Variants in DSP observed in about 807,000 individuals in gnomAD.
DSP encodes the protein 250/210 kDa paraneoplastic pemphigus antigen.
DSP carries 114 observed loss-of-function variants against 290.6 expected under a neutral mutation model. That is an observed-to-expected ratio of 0.39 (90% CI 0.34 to 0.46). The LOEUF (loss-of-function observed/expected upper bound fraction) is 0.46, where lower values mean the gene tolerates loss of function less well. Among genes scored for constraint, DSP ranks in the 20% least tolerant of loss-of-function variants. DSP has a pLI of 0.99. For synonymous variants in DSP, 1,311 were observed against 1,316.4 expected (o/e 1.00, Z 0.09); for missense variants, 3,230 against 3,495.8 (o/e 0.92, Z 1.92).
rs1483454488 is a variant in DSP at position 7,582,138 on chromosome 6, T to C, written c.5380-504T>C. 3.8e-5 allele frequency among the ~76,000 whole-genome samples: 3 copies of C among 79,624 alleles called. No homozygotes were observed. The highest frequency in any genetic ancestry group is 1.7e-4 in the African/African-American group (3 of 17,148). 52.2% of individuals were successfully genotyped at this position (79,624 alleles called of 152,430 possible). ...AGACAATATTTGTGTGTGGCTGGGT[T>C]GGTGTGTGTGTGTGTGTGTGTGTGT... On this transcript the variant is annotated intron_variant, in intron 23 of 23. Transcript: ENST00000379802. The surrounding 1 kb of genome is among the most constrained non-coding windows in gnomAD (Gnocchi z 4.2).
rs762341335 is a variant in DSP, at chr6:7,576,329, G to A, written c.2666G>A (p.Arg889Lys). The A allele has an allele frequency of 4.6e-5, 75 of 1,613,952 alleles. No homozygotes were observed. The South Asian group carries it at 6.1e-4, about 13-fold the overall frequency. ...WDLEKQIKQLRNYRDNYQAFC... is the reference protein window; with the variant it reads ...WDLEKQIKQLKNYRDNYQAFC... ...CTGGAGAAACAAATCAAGCAATTGAGGAATTATCGTGATAACTATCAGGCT... is the reference window on the plus strand; with the variant it reads ...CTGGAGAAACAAATCAAGCAATTGAAGAATTATCGTGATAACTATCAGGCT... The change falls in exon 19 of 24, where the codon AGG becomes AAG. Residue 889 changes from arginine (R) to lysine (K), a missense_variant. Around this residue, in one of 5 missense-constraint regions of DSP, gnomAD observed 1,714 missense variants for 1,844.5 expected, o/e 0.93. Coordinates refer to ENST00000379802, the MANE Select transcript of DSP (RefSeq NM_004415.4).
At chr6:7,566,990 C>T (rs1323217216) in intron 8 of DSP, among the ~76,000 whole-genome samples, 1 of 152,072 alleles carries the variant, frequency 6.6e-6, no homozygotes, top group Non-Finnish European at 1.5e-5. Flanking sequence ...TTGGATGCCT[C>T]GAACCTCCCC....
intron 14 of DSP, 70 bp from the exon 15 acceptor site, chr6:7,571,772 G>T (rs745882134): frequency 3.3e-5 from 51 of 1,554,862 alleles, no homozygotes; most frequent in Non-Finnish European, 4.5e-5. Flanking sequence ...TAGTATGGAT[G>T]TTTTTTGAGG....
Position 7,577,788 on chromosome 6 carries a change from C to T in DSP, c.2887C>T (p.Leu963Phe), listed in dbSNP as rs779931043. The change falls in exon 21 of 24, where the codon CTC becomes TTC. Residue 963 changes from leucine (L) to phenylalanine (F), a missense_variant. Coordinates refer to ENST00000379802, the MANE Select transcript of DSP (RefSeq NM_004415.4). ...LCANSIKDYE[L>F]QLASYTSGLE... ...CTTCATTATGCTGCAGGATTATGAG[C>T]TCCAGCTGGCCTCATACACCTCAGG... The T allele has an allele frequency of 6.2e-6, 10 of 1,613,542 alleles. No homozygotes were observed. Among genetic ancestry groups the T allele is most frequent in the Non-Finnish European group, 8.5e-6 (10 of 1,179,500 alleles).
intron 15 of DSP, 115 bp from the exon 16 acceptor site, chr6:7,573,971 A>G: frequency 3.6e-6 from 4 of 1,113,690 alleles, no homozygotes; most frequent in Admixed American, 1.9e-5. Context: ...TACTTACCTG[A>G]TGTAATCATT....
rs772539916 is a variant in DSP, at chr6:7,574,210, A to T, written c.2255A>T (p.Lys752Ile). The change falls in exon 16 of 24, where the codon AAA becomes ATA. Residue 752 changes from lysine to isoleucine, a missense_variant. Physicochemically the swap from Lys to Ile is moderately radical, Grantham distance 102. Around this residue, in one of 5 missense-constraint regions of DSP, gnomAD observed 1,714 missense variants for 1,844.5 expected, o/e 0.93. Transcript: ENST00000379802. ...LQNEVFGLFQKLENINGVTDG... is the reference protein window; with the variant it reads ...LQNEVFGLFQILENINGVTDG... ...AATGAAGTATTTGGACTATTTCAGA[A>T]ACTGGAAAATATCAATGGTGTTACA... 1 of 1,614,104 alleles carries T rather than the reference A, an allele frequency of 6.2e-7. No individual in the cohort carries two copies. Among genetic ancestry groups the T allele is most frequent in the Non-Finnish European group, 8.5e-7 (1 of 1,179,980 alleles).
At position 7,585,706 on chromosome 6, in the gene DSP, G is replaced by T; in HGVS notation, c.8444G>T (p.Ser2815Ile). 6.2e-7 allele frequency: 1 copy of T among 1,613,850 alleles called. No individual in the cohort carries two copies. Among genetic ancestry groups the T allele is most frequent in the African/African-American group, 1.3e-5 (1 of 75,018 alleles). ...TCCGTGTCGTCCAAGGGCTTACCCA[G>T]CCCTTACAACATGTCTTCGGCTCCG... ...AASVSSKGLP[S>I]PYNMSSAPGS... Residue 2815 changes from serine to isoleucine, a missense_variant, in exon 24 of 24, where the codon AGC (serine) becomes ATC (isoleucine). Physicochemically the swap from Ser to Ile is moderately radical, Grantham distance 142 (BLOSUM62 -2). Coordinates refer to ENST00000379802, the MANE Select transcript of DSP (RefSeq NM_004415.4).
At chr6:7,545,947 T>G (rs1758159250) in intron 1 of DSP, among the ~76,000 whole-genome samples, 1 of 152,182 alleles carries the variant, frequency 6.6e-6, no homozygotes, top group Non-Finnish European at 1.5e-5. Flanking sequence ...GCATCCTTTT[T>G]TGACCAAGGC....
At position 7,582,674 on chromosome 6, in the gene DSP, G is replaced by T. The variant is rs779809935; in HGVS notation, c.5412G>T (p.Gln1804His). ...ASNRIQESKN[Q>H]CTQVVQERES... ...ATAGGATTCAGGAATCAAAGAATCA[G>T]TGTACTCAGGTGGTACAGGAAAGAG... The change falls in exon 24 of 24, where the codon CAG (glutamine) becomes CAT (histidine). Residue 1804 changes from glutamine to histidine, a missense_variant. By Grantham distance (24) the Gln-to-His change is conservative. This residue lies in a region of DSP where 1,714 missense variants were observed against 1,844.5 expected (regional missense o/e 0.93). Transcript: ENST00000379802. This position sits in a 1 kb window ranked among gnomAD's most constrained non-coding sequence, Gnocchi z 4.2. 9.9e-6 allele frequency: 16 copies of T among 1,613,558 alleles called. No homozygotes were observed. In the Admixed American group the frequency reaches 2.7e-4, roughly 27 times the overall value.
intron 4 of DSP, among the ~76,000 whole-genome samples, chr6:7,561,617 T>C (rs1224880030): frequency 6.6e-6 from 1 of 152,180 alleles, no homozygotes; most frequent in Non-Finnish European, 1.5e-5. Context: ...GTCACGTTGC[T>C]AATGTCCCAC....
chr6:7,542,428 G>A (rs1758024228), intron 1 of DSP, among the ~76,000 whole-genome samples: 1 of 152,194 alleles, frequency 6.6e-6, no homozygotes, highest in Non-Finnish European at 1.5e-5. Flanking sequence ...GGGAGGTCAG[G>A]CGAGGTGGGG....
intron 4 of DSP, among the ~76,000 whole-genome samples, chr6:7,561,290 G>A (rs764490228): frequency 2.0e-5 from 3 of 152,134 alleles, no homozygotes; most frequent in Non-Finnish European, 2.9e-5. Context: ...ATTGATAAGC[G>A]ATGCTTTCCG....
rs370865499 is a variant in DSP at position 7,583,594 on chromosome 6, T to C, written c.6332T>C (p.Ile2111Thr). The change falls in exon 24 of 24, where the codon ATC becomes ACC. Residue 2111 changes from isoleucine to threonine, a missense_variant. Transcript: ENST00000379802. This position sits in a 1 kb window ranked among gnomAD's most constrained non-coding sequence, Gnocchi z 4.0. ...AAGACAGTATCTGTTTCAGAAGCCA[T>C]CAAGAAAAATTTGATTGATAGAGAA... ...SGKTVSVSEA[I>T]KKNLIDRETG... 4.9e-5 allele frequency: 79 copies of C among 1,614,006 alleles called. No homozygotes were observed. Among genetic ancestry groups the C allele is most frequent in the Non-Finnish European group, 6.5e-5 (77 of 1,180,032 alleles).
Position 7,584,010 on chromosome 6 carries a change from A to C in DSP, c.6748A>C (p.Ile2250Leu). 6.2e-7 allele frequency: 1 copy of C among 1,614,210 alleles called. No individual in the cohort carries two copies. Among genetic ancestry groups the C allele is most frequent in the Non-Finnish European group, 8.5e-7 (1 of 1,180,036 alleles). ...TTCTTATGACGAGGTTGGTGAGAGA[A>C]TTAAGGACTTCCTCCAGGGTTCAAG... Reference protein sequence around the residue: ...QISYDEVGERIKDFLQGSSCI... With the variant: ...QISYDEVGERLKDFLQGSSCI... Residue 2250 changes from isoleucine (I) to leucine (L), a missense_variant, in exon 24 of 24, where the codon ATT becomes CTT. Coordinates refer to ENST00000379802, the MANE Select transcript of DSP (RefSeq NM_004415.4). The surrounding 1 kb of genome is among the most constrained non-coding windows in gnomAD (Gnocchi z 6.4).
At position 7,569,261 on chromosome 6, in the gene DSP, G is replaced by T. The variant is rs1758964565; in HGVS notation, c.1495G>T (p.Gly499Ter). ...ERSKWYVTGP[G>*]GVDMLVPSVG... ...CAGCAAGTGGTACGTGACGGGCCCG[G>T]GAGGCGTTGACATGCTTGTTCCCTC... Residue 499 changes from glycine to a stop codon, truncating the protein, a stop_gained, in exon 12 of 24, where the codon GGA becomes TGA. Coordinates refer to ENST00000379802, the MANE Select transcript of DSP (RefSeq NM_004415.4). LOFTEE classifies it high-confidence loss of function. 6.2e-7 allele frequency: 1 copy of T among 1,614,048 alleles called. No homozygotes were observed. Among genetic ancestry groups the T allele is most frequent in the Non-Finnish European group, 8.5e-7 (1 of 1,180,044 alleles).
intron 16 of DSP, 118 bp from the exon 17 acceptor site, chr6:7,574,539 C>A: frequency 6.8e-7 from 1 of 1,470,386 alleles, no homozygotes; most frequent in Non-Finnish European, 9.4e-7. Flanking sequence ...AAAAAACAGA[C>A]AAAATAAATT....
At chr6:7,566,161 G>C (rs1758857214) in intron 7 of DSP, among the ~76,000 whole-genome samples, 1 of 152,116 alleles carries the variant, frequency 6.6e-6, no homozygotes, top group Non-Finnish European at 1.5e-5. Flanking sequence ...CTTTCCTCCT[G>C]TGTCATCTTG....
At position 7,585,857 on chromosome 6, in the gene DSP, C is replaced by G. The variant is rs1369725322; in HGVS notation, c.8595C>G (p.Ser2865Arg). The change falls in exon 24 of 24, where the codon AGC (serine) becomes AGG (arginine). Residue 2865 changes from serine to arginine, a missense_variant. By Grantham distance (110) the Ser-to-Arg change is moderately radical (BLOSUM62 -1). Coordinates refer to ENST00000379802, the MANE Select transcript of DSP (RefSeq NM_004415.4). ...NSSYSYSYSFSSSSIGH is the reference protein window; with the variant it reads ...NSSYSYSYSFRSSSIGH ...CCTACTCTTATTCCTACTCATTTAGCAGTAGTTCTATTGGGCACTAGTAGT... is the reference window on the plus strand; with the variant it reads ...CCTACTCTTATTCCTACTCATTTAGGAGTAGTTCTATTGGGCACTAGTAGT... The G allele has an allele frequency of 6.2e-7, 1 of 1,614,038 alleles. No individual in the cohort carries two copies. The highest frequency in any genetic ancestry group is 1.1e-5 in the South Asian group (1 of 91,058).
chr6:7,574,619 T>C lies in DSP; in HGVS notation c.2298-38T>C, dbSNP rs2295859. ...GGCAAATCTTCACAGACTAATTATG[T>C]CACTGGCAATTTTATGTGCTTCTTT... On this transcript the variant is annotated intron_variant, in intron 16 of 23. Transcript: ENST00000379802. The C allele has an allele frequency of 0.054, 87,359 of 1,613,640 alleles. 2,581 individuals carry two copies. The highest frequency in any genetic ancestry group is 0.08 in the Middle Eastern group (484 of 6,052).
Sources: allele counts gnomAD v4.1 joint callset (sites outside exome capture counted in the v4.1 genomes callset), GRCh38; gene constraint gnomAD v4.1.1; regional missense constraint gnomAD v4.1.1; non-coding constraint Gnocchi (gnomAD v3.1); transcripts MANE v1.5; gene names NCBI Gene and HGNC (gene_info 2026-07-23, HGNC 2026-07-21).